RALGPS2: variants seen among roughly 807,000 people sequenced by gnomAD.
RALGPS2 encodes ras-specific guanine nucleotide-releasing factor RalGPS2.
RALGPS2 carries 43 observed loss-of-function variants against 86.8 expected under a neutral mutation model. That is an observed-to-expected ratio of 0.50 (90% CI 0.39 to 0.64). The LOEUF (loss-of-function observed/expected upper bound fraction) is 0.64, where lower values mean the gene tolerates loss of function less well. Among genes scored for constraint, RALGPS2 ranks in the 30% least tolerant of loss-of-function variants. RALGPS2 has a pLI of 0.00. For synonymous variants in RALGPS2, 243 were observed against 231.3 expected (o/e 1.05, Z -0.46); for missense variants, 536 against 694.6 (o/e 0.77, Z 2.57).
At position 178,770,641 on chromosome 1, in the gene RALGPS2, A is replaced by C. The variant is rs542225250; in HGVS notation, c.-83-6041A>C. 2.7e-5 allele frequency among the ~76,000 whole-genome samples: 4 copies of C among 149,080 alleles called. No homozygotes were observed. In the East Asian group the frequency reaches 8.1e-4, roughly 30 times the overall value. On this transcript the variant is annotated intron_variant, in intron 1 of 19. Transcript: ENST00000367635. Reference sequence around the variant, plus strand: ...ATAGGCACCCACCACCAGGCCTGGCAAATTTTTGTATTTTTAGTAGAGACA... The same window carrying C: ...ATAGGCACCCACCACCAGGCCTGGCCAATTTTTGTATTTTTAGTAGAGACA...
At chr1:178,893,825 T>G (rs111348461) in intron 15 of RALGPS2, 94 bp from the exon 16 acceptor site, 3 of 818,302 alleles carry the variant, frequency 3.7e-6, no homozygotes. Flanking sequence ...GTAACAAACT[T>G]TTAAAATTAA....
intron 18 of RALGPS2, among the ~76,000 whole-genome samples, chr1:178,905,509 C>T (rs1321348725): frequency 6.6e-6 from 1 of 152,066 alleles, no homozygotes; most frequent in Non-Finnish European, 1.5e-5. Flanking sequence ...CTTGACTAAA[C>T]ATTTGGTGAA....
chr1:178,863,665 G>A (rs1161717520), intron 8 of RALGPS2, among the ~76,000 whole-genome samples: 1 of 151,906 alleles, frequency 6.6e-6, no homozygotes, highest in Non-Finnish European at 1.5e-5. Context: ...CTACATTCAG[G>A]AATCATCTGA....
chr1:178,758,114 C>T (rs1652045230), intron 1 of RALGPS2, among the ~76,000 whole-genome samples: 1 of 151,960 alleles, frequency 6.6e-6, no homozygotes, highest in East Asian at 1.9e-4. Context: ...TTTTGTATTT[C>T]TGTGGAATTG....
intron 6 of RALGPS2, among the ~76,000 whole-genome samples, chr1:178,820,649 A>G (rs1428543538): frequency 6.6e-6 from 1 of 152,144 alleles, no homozygotes; most frequent in Admixed American, 6.5e-5. Context: ...ATTTGTTTTC[A>G]TGTCTCACTA....
intron 8 of RALGPS2, among the ~76,000 whole-genome samples, chr1:178,876,800 A>G (rs1659024360): frequency 6.6e-6 from 1 of 152,166 alleles, no homozygotes; most frequent in African/African-American, 2.4e-5. Flanking sequence ...GTACAACCAA[A>G]TTTTAGAGGA....
Position 178,726,118 on chromosome 1 carries a change from G to C in RALGPS2, c.-84+699G>C, listed in dbSNP as rs536658692. 582 of 152,376 alleles carry C rather than the reference G, an allele frequency of 3.8e-3. 8 individuals carry two copies. Among genetic ancestry groups the C allele is most frequent in the Non-Finnish European group, 6.0e-3 (406 of 68,074 alleles). The allele number at this position is 152,376 out of a possible 1,614,324, so 9.4% of individuals were successfully genotyped here. On this transcript the variant is annotated intron_variant, in intron 1 of 19. Coordinates refer to ENST00000367635, the MANE Select transcript of RALGPS2 (RefSeq NM_152663.5). The stretch of plus-strand genomic sequence containing the variant: ...CTGGAACCGGGCTCTAGAAAAAAAA[G>C]GAGATTCCGAACGTATCTCATCAAA...
intron 14 of RALGPS2, 96 bp from the exon 15 acceptor site, chr1:178,892,134 T>G: frequency 1.8e-6 from 2 of 1,081,692 alleles, no homozygotes; most frequent in Non-Finnish European, 2.7e-6. Context: ...GAAAGCTATA[T>G]TACAAGAAGA....
intron 15 of RALGPS2, among the ~76,000 whole-genome samples, chr1:178,893,178 A>G (rs1321622668): frequency 6.6e-6 from 1 of 151,940 alleles, no homozygotes; most frequent in Non-Finnish European, 1.5e-5. Context: ...GAAATCATTA[A>G]TTATTGTATT....
intron 7 of RALGPS2, among the ~76,000 whole-genome samples, 186 bp from the exon 8 acceptor site, chr1:178,833,238 A>C (rs1322318162): frequency 6.6e-6 from 1 of 152,102 alleles, no homozygotes; most frequent in Non-Finnish European, 1.5e-5. Flanking sequence ...TCTTATAAAT[A>C]ATGAATTTGG....
rs79860995 is a variant in RALGPS2 at position 178,745,342 on chromosome 1, A to G, written c.-84+19923A>G. Among the ~76,000 whole-genome samples the G allele has an allele frequency of 8.1e-3, 1,231 of 152,324 alleles. 56 individuals carry two copies. Among genetic ancestry groups the G allele is most frequent in the Admixed American group, 0.068 (1,046 of 15,304 alleles). On this transcript the variant is annotated intron_variant, in intron 1 of 19. Transcript: ENST00000367635. ...AAAACAGCTTTGTAAAAAGAAGAAC[A>G]AAGTTGGAGGTCTAATGCTATCTGA...
chr1:178,839,347 G>A (rs958539740), intron 8 of RALGPS2, among the ~76,000 whole-genome samples: 1 of 152,176 alleles, frequency 6.6e-6, no homozygotes, highest in Non-Finnish European at 1.5e-5. Flanking sequence ...AAGAGAGTGA[G>A]GGCCAATATT....
chr1:178,902,052 G>A (rs1660200039), intron 17 of RALGPS2, 54 bp from the exon 18 acceptor site: 2 of 1,331,032 alleles, frequency 1.5e-6, no homozygotes, highest in South Asian at 1.2e-5. Flanking sequence ...CTGAAGTTTT[G>A]CTAGAATAAA....
intron 2 of RALGPS2, among the ~76,000 whole-genome samples, chr1:178,780,970 T>C (rs1653364787): frequency 6.6e-6 from 1 of 151,964 alleles, no homozygotes; most frequent in African/African-American, 2.4e-5. Flanking sequence ...GTAATATATG[T>C]TTGTTTTCTT....
At chr1:178,760,364 C>G (rs1652173207) in intron 1 of RALGPS2, among the ~76,000 whole-genome samples, 1 of 152,148 alleles carries the variant, frequency 6.6e-6, no homozygotes, top group Admixed American at 6.5e-5. Context: ...AATCTGGGTG[C>G]TCTAATTTTG....
chr1:178,882,066 G>A (rs1659279773), intron 10 of RALGPS2, among the ~76,000 whole-genome samples: 1 of 152,154 alleles, frequency 6.6e-6, no homozygotes, highest in Non-Finnish European at 1.5e-5. Flanking sequence ...TAATGAATCA[G>A]CATCTCTATT....
At chr1:178,788,841 CTTTCTTTTCTTTTCTTTTCT>C (rs199644509) in intron 4 of RALGPS2, among the ~76,000 whole-genome samples, 172 of 132,494 alleles carry the variant, frequency 1.3e-3, no homozygotes, top group African/African-American at 3.9e-3. Context: ...TTCTTTCTTT[CTTTCTTTTCTTTTCTTTTCT>C]TTTCTTTTCT....
chr1:178,859,821 C>CT (rs1491474268), intron 8 of RALGPS2, among the ~76,000 whole-genome samples: 1 of 23,480 alleles, frequency 4.3e-5, no homozygotes, highest in Non-Finnish European at 8.3e-5. Context: ...CCTCTGCCCG[C>CT]CCCCCCCCCC....
At chr1:178,794,391 G>A (rs180685714) in intron 4 of RALGPS2, among the ~76,000 whole-genome samples, 25 of 152,298 alleles carry the variant, frequency 1.6e-4, no homozygotes, top group African/African-American at 5.5e-4. Context: ...TGGGATTACA[G>A]GTGTGAGCCA....
Sources: gnomAD v4.1 joint callset for allele counts (sites outside exome capture counted in the v4.1 genomes callset) on GRCh38, gnomAD v4.1.1 for gene constraint, MANE v1.5 for transcripts, NCBI Gene and HGNC (gene_info 2026-07-23, HGNC 2026-07-21) for gene names.